KLF12: variants seen among roughly 807,000 people sequenced by gnomAD.
KLF12 encodes KLF transcription factor 12, also known as Krueppel-like factor 12.
Under a neutral mutation model 37.8 loss-of-function variants are expected in KLF12, and 9 were observed. The observed-to-expected ratio is 0.24, with a 90% CI of 0.14 to 0.42. The LOEUF (loss-of-function observed/expected upper bound fraction) is 0.42. KLF12 is among the 10% of genes least tolerant of loss of function. The pLI is 1.00. For missense variants in KLF12, 411 were observed against 516.0 expected (o/e 0.80, Z 1.97); for synonymous variants, 208 against 202.1 (o/e 1.03, Z -0.25).
chr13:73,853,451 T>C lies in KLF12; in HGVS notation c.124-7078A>G, dbSNP rs780855070. Among the ~76,000 whole-genome samples, 5 of 152,220 alleles carry C rather than the reference T, an allele frequency of 3.3e-5. No individual in the cohort carries two copies. In the South Asian group the frequency reaches 6.2e-4, roughly 19 times the overall value. The stretch of plus-strand genomic sequence containing the variant: ...GGAATTTTGTTCATGCATTCTAAAA[T>C]TGGTAAGCAGGACAGGCGTGGTGGT... On this transcript the variant is annotated intron_variant, in intron 3 of 7. Coordinates refer to ENST00000377669, the MANE Select transcript of KLF12 (RefSeq NM_007249.5).
At chr13:74,237,692 C>T in the KLF12 span, among the ~76,000 whole-genome samples, 3 of 151,822 alleles carry the variant, frequency 2.0e-5, no homozygotes, top group African/African-American at 4.9e-5. Context: ...GTATTTTATT[C>T]TCTTTGAAGC....
chr13:74,253,051 CATCT>C, the KLF12 span, among the ~76,000 whole-genome samples: 5 of 151,772 alleles, frequency 3.3e-5, no homozygotes, highest in Non-Finnish European at 7.4e-5. Context: ...ATCTATCTAT[CATCT>C]ATCTATCATC....
the KLF12 span, among the ~76,000 whole-genome samples, chr13:74,176,130 T>C: frequency 6.6e-6 from 1 of 152,298 alleles, no homozygotes; most frequent in East Asian, 1.9e-4. Context: ...CAATTTCCCT[T>C]AGCCATTTCA....
chr13:74,161,068 CTTT>C, the KLF12 span, among the ~76,000 whole-genome samples: 22 of 139,470 alleles, frequency 1.6e-4, no homozygotes, highest in Non-Finnish European at 1.6e-4. Flanking sequence ...TCAGGAGAGT[CTTT>C]TTTTTTTTTT....
At chr13:73,805,061 T>C (rs1033694342) in intron 5 of KLF12, among the ~76,000 whole-genome samples, 17 of 152,180 alleles carry the variant, frequency 1.1e-4, no homozygotes, top group Non-Finnish European at 8.8e-5. Flanking sequence ...CATTCTCAAG[T>C]TTTTCCATCA....
At chr13:73,734,300 G>T (rs140760100) in intron 6 of KLF12, among the ~76,000 whole-genome samples, 2 of 152,046 alleles carry the variant, frequency 1.3e-5, no homozygotes, top group Non-Finnish European at 2.9e-5. Context: ...TGCTTGCTTT[G>T]CTTCATATAC....
chr13:73,973,764 A>C (rs1382434860), intron 2 of KLF12, among the ~76,000 whole-genome samples: 1 of 152,130 alleles, frequency 6.6e-6, no homozygotes, highest in African/African-American at 2.4e-5. Flanking sequence ...GGAAGAAAAC[A>C]AGCATGCAAA....
chr13:74,165,429 G>A, the KLF12 span, among the ~76,000 whole-genome samples: 1 of 151,054 alleles, frequency 6.6e-6, no homozygotes, highest in Non-Finnish European at 1.5e-5. Context: ...CTCCCAAGTA[G>A]CTGGGATTAC....
At chr13:74,208,427 A>G in the KLF12 span, among the ~76,000 whole-genome samples, 1 of 152,222 alleles carries the variant, frequency 6.6e-6, no homozygotes, top group Non-Finnish European at 1.5e-5. Context: ...ATAGTGCTAC[A>G]AAATTGAATG....
intron 6 of KLF12, among the ~76,000 whole-genome samples, chr13:73,730,190 G>C (rs892912650): frequency 9.2e-5 from 14 of 152,060 alleles, no homozygotes; most frequent in Admixed American, 4.6e-4. Context: ...AAATGCTCTT[G>C]ACTGCCTCTG....
the KLF12 span, among the ~76,000 whole-genome samples, chr13:74,193,082 A>G: frequency 6.6e-6 from 1 of 151,442 alleles, no homozygotes. Context: ...GGGTTCAAGA[A>G]ATTCTCCTGC....
At chr13:74,101,805 A>G (rs192016921) in intron 1 of KLF12, among the ~76,000 whole-genome samples, 2 of 152,310 alleles carry the variant, frequency 1.3e-5, no homozygotes, top group Admixed American at 6.5e-5. Context: ...GTAAATGGGG[A>G]AAAAGGGAGA....
At chr13:73,995,810 A>G (rs2138275705) in intron 1 of KLF12, among the ~76,000 whole-genome samples, 1 of 152,236 alleles carries the variant, frequency 6.6e-6, no homozygotes, top group East Asian at 1.9e-4. Context: ...CTTCCTATGT[A>G]TTCTCTCTCA....
chr13:73,962,876 T>C (rs1210896535), intron 2 of KLF12, among the ~76,000 whole-genome samples: 1 of 152,196 alleles, frequency 6.6e-6, no homozygotes, highest in Non-Finnish European at 1.5e-5. Context: ...GCCAAGTCTA[T>C]AAAATTATAA....
At chr13:73,879,856 T>C (rs1222505053) in intron 3 of KLF12, among the ~76,000 whole-genome samples, 1 of 152,064 alleles carries the variant, frequency 6.6e-6, no homozygotes, top group African/African-American at 2.4e-5. Flanking sequence ...AGAGCAAGAG[T>C]CTTTGTGATG....
At chr13:74,037,407 C>T (rs868253414) in intron 1 of KLF12, among the ~76,000 whole-genome samples, 2 of 151,996 alleles carry the variant, frequency 1.3e-5, no homozygotes, top group Non-Finnish European at 2.9e-5. Context: ...CCCATTTAGA[C>T]CCCCCATGCC....
At chr13:73,990,764 C>G (rs180852724) in intron 2 of KLF12, among the ~76,000 whole-genome samples, 1 of 151,782 alleles carries the variant, frequency 6.6e-6, no homozygotes, top group South Asian at 2.1e-4. Context: ...TGAAATTAAT[C>G]TATTAGGCTT....
At chr13:74,003,543 T>C (rs774365232) in intron 1 of KLF12, among the ~76,000 whole-genome samples, 1 of 152,140 alleles carries the variant, frequency 6.6e-6, no homozygotes, top group South Asian at 2.1e-4. Flanking sequence ...TGTCTTACAA[T>C]GCAAAGGGAT....
chr13:73,917,615 T>C (rs1888908766), intron 3 of KLF12, among the ~76,000 whole-genome samples: 1 of 152,226 alleles, frequency 6.6e-6, no homozygotes, highest in African/African-American at 2.4e-5. Context: ...ACTCAGTTTC[T>C]TCAAGGAAGA....
Sources: gnomAD v4.1 joint callset for allele counts (sites outside exome capture counted in the v4.1 genomes callset) on GRCh38, gnomAD v4.1.1 for gene constraint, MANE v1.5 for transcripts, NCBI Gene and HGNC (gene_info 2026-07-23, HGNC 2026-07-21) for gene names.